Variants in PHF21A observed in about 807,000 individuals in gnomAD.
PHF21A encodes the protein PHD finger protein 21A, also known as BHC80a.
PHF21A carries 11 observed loss-of-function variants against 82.5 expected under a neutral mutation model. The observed-to-expected ratio is 0.13, with a 90% confidence interval of 0.08 to 0.22. The LOEUF (loss-of-function observed/expected upper bound fraction) is 0.22. Ranked by LOEUF, PHF21A falls within the 10% of genes least tolerant of loss-of-function variation. PHF21A has a pLI of 1.00. For missense variants in PHF21A, 579 were observed against 837.8 expected, an observed-to-expected ratio of 0.69 and a Z score of 3.81; for synonymous variants, 297 against 302.8, an observed-to-expected ratio of 0.98 and a Z score of 0.20.
chr11:45,947,210 A>G (rs1043529989), intron 14 of PHF21A, among the ~76,000 whole-genome samples: 5 of 152,060 alleles, frequency 3.3e-5, no homozygotes, highest in African/African-American at 1.2e-4. Flanking sequence ...TAGGTCAGCC[A>G]CTCTTGCCTT....
rs1354749122 is a variant in PHF21A, at chr11:46,039,336, A to AT, written c.153+37417dup. Among the ~76,000 whole-genome samples, 7 of 152,020 alleles carry AT rather than the reference A, an allele frequency of 4.6e-5. 1 individual carries two copies. Among genetic ancestry groups the AT allele is most frequent in the Admixed American group, 3.3e-4 (5 of 15,250 alleles). Reference sequence around the variant, plus strand: ...GCTGATTCTCTTCATAGAACTGGTAATTTTTTCTTGTCTGCTTATAGTTAC... The same window carrying AT: ...GCTGATTCTCTTCATAGAACTGGTAATTTTTTTCTTGTCTGCTTATAGTTAC... On this transcript the variant is annotated intron_variant, in intron 6 of 18. Coordinates refer to ENST00000676320, the MANE Select transcript of PHF21A (RefSeq NM_001352027.3).
intron 14 of PHF21A, 88 bp from the exon 15 acceptor site, chr11:45,946,091 C>A: frequency 6.2e-7 from 1 of 1,613,872 alleles, no homozygotes; most frequent in Non-Finnish European, 8.5e-7. Context: ...GCCAGTGTTC[C>A]TCATTGGCTA....
At chr11:46,076,509 A>G (rs539638983) in intron 6 of PHF21A, among the ~76,000 whole-genome samples, 1 of 152,194 alleles carries the variant, frequency 6.6e-6, no homozygotes, top group Non-Finnish European at 1.5e-5. Flanking sequence ...TAACACAGTT[A>G]ACGGCAGCCT....
intron 6 of PHF21A, among the ~76,000 whole-genome samples, chr11:46,041,030 A>C (rs142280118): frequency 6.6e-6 from 1 of 152,174 alleles, no homozygotes; most frequent in African/African-American, 2.4e-5. Flanking sequence ...ATGCCTCTAC[A>C]GTAAATAGGT....
intron 6 of PHF21A, among the ~76,000 whole-genome samples, chr11:46,052,185 CAAAT>C (rs1200602574): frequency 6.6e-6 from 1 of 152,040 alleles, no homozygotes; most frequent in Non-Finnish European, 1.5e-5. Flanking sequence ...AAAAAACAAA[CAAAT>C]AAAAAAAACT....
chr11:46,006,733 C>T (rs191286992), intron 6 of PHF21A, among the ~76,000 whole-genome samples: 1 of 152,336 alleles, frequency 6.6e-6, no homozygotes, highest in Admixed American at 6.5e-5. Flanking sequence ...AAGTATTGAA[C>T]TGTCTTAAAC....
intron 3 of PHF21A, among the ~76,000 whole-genome samples, chr11:46,087,389 G>C (rs1334657503): frequency 1.3e-5 from 2 of 152,164 alleles, no homozygotes; most frequent in African/African-American, 4.8e-5. Context: ...TCAGATTGTT[G>C]TCTGCTTCTC....
intron 7 of PHF21A, among the ~76,000 whole-genome samples, chr11:45,978,827 G>A (rs528325513): frequency 4.0e-4 from 61 of 152,178 alleles, no homozygotes; most frequent in African/African-American, 1.3e-3. Context: ...TTGTATGCTT[G>A]TTTAAATGCC....
At chr11:46,020,534 C>T (rs536521033) in intron 6 of PHF21A, among the ~76,000 whole-genome samples, 1 of 152,312 alleles carries the variant, frequency 6.6e-6, no homozygotes, top group East Asian at 1.9e-4. Flanking sequence ...CCCACTTTCA[C>T]TTTTCTGCTT....
chr11:46,008,224 A>C (rs529930056), intron 6 of PHF21A, among the ~76,000 whole-genome samples: 1 of 152,326 alleles, frequency 6.6e-6, no homozygotes, highest in African/African-American at 2.4e-5. Context: ...CTAATCCATA[A>C]TGTTCAGATG....
intron 7 of PHF21A, among the ~76,000 whole-genome samples, chr11:45,972,446 C>G (rs1159482163): frequency 6.6e-6 from 1 of 152,176 alleles, no homozygotes; most frequent in Non-Finnish European, 1.5e-5. Context: ...TTTGCACTGT[C>G]TGATTTGGCA....
intron 6 of PHF21A, among the ~76,000 whole-genome samples, chr11:46,002,413 T>C (rs1425346604): frequency 6.6e-6 from 1 of 152,210 alleles, no homozygotes; most frequent in Non-Finnish European, 1.5e-5. Context: ...TTTGTAAAAT[T>C]TATTAACTTT....
At chr11:45,940,367 T>C (rs1001695842) in intron 15 of PHF21A, among the ~76,000 whole-genome samples, 2 of 152,064 alleles carry the variant, frequency 1.3e-5, no homozygotes, top group African/African-American at 4.8e-5. Flanking sequence ...GACTAACTTT[T>C]ATATTTTTAG....
chr11:45,981,940 C>CTTTTCTT (rs2094307533), intron 6 of PHF21A, among the ~76,000 whole-genome samples: 1 of 78,268 alleles, frequency 1.3e-5, no homozygotes, highest in African/African-American at 4.9e-5. Context: ...TTTTGTTTTT[C>CTTTTCTT]TTTTTTTTTT....
intron 6 of PHF21A, among the ~76,000 whole-genome samples, chr11:45,988,157 T>C (rs960244311): frequency 8.5e-5 from 13 of 152,218 alleles, no homozygotes; most frequent in Admixed American, 6.5e-4. Flanking sequence ...CCATTTGAGA[T>C]AATGTAGGAA....
chr11:46,027,471 C>T (rs975902677), intron 6 of PHF21A, among the ~76,000 whole-genome samples: 3 of 152,186 alleles, frequency 2.0e-5, no homozygotes, highest in Non-Finnish European at 2.9e-5. Flanking sequence ...GCACCCTGCC[C>T]TTTCTGGGAT....
Position 46,047,400 on chromosome 11 carries a change from A to AT in PHF21A, c.153+29353dup, listed in dbSNP as rs975309477. Among the ~76,000 whole-genome samples, 507 of 151,888 alleles carry AT rather than the reference A, an allele frequency of 3.3e-3. 3 individuals are homozygous for AT. The highest frequency in any genetic ancestry group is 0.012 in the African/African-American group (480 of 41,412). On this transcript the variant is annotated intron_variant, in intron 6 of 18. Transcript: ENST00000676320. Reference sequence around the variant, plus strand: ...TTATAGGCTGGTAAGGTATTTTATAATTTTTTTTTATTAGTTAGTCCTTAT... The same window carrying AT: ...TTATAGGCTGGTAAGGTATTTTATAATTTTTTTTTTATTAGTTAGTCCTTAT...
intron 6 of PHF21A, among the ~76,000 whole-genome samples, chr11:46,029,824 C>T (rs116390602): frequency 5.2e-4 from 79 of 152,270 alleles, no homozygotes; most frequent in African/African-American, 1.9e-3. Context: ...AGTATTTCAA[C>T]TTTACTCCAC....
At chr11:46,102,277 G>C (rs1445198580) in intron 1 of PHF21A, among the ~76,000 whole-genome samples, 1 of 152,210 alleles carries the variant, frequency 6.6e-6, no homozygotes, top group Non-Finnish European at 1.5e-5. Context: ...ATCCAGCAGA[G>C]ACATTAACTC....
Sources: gnomAD v4.1 joint callset for allele counts (sites outside exome capture counted in the v4.1 genomes callset) on GRCh38, gnomAD v4.1.1 for gene constraint, MANE v1.5 for transcripts, NCBI Gene and HGNC (gene_info 2026-07-23, HGNC 2026-07-21) for gene names.